Variants in ZEB1 observed in about 807,000 individuals in gnomAD.
ZEB1 encodes the protein zinc finger E-box binding homeobox 1.
In ZEB1, 21 loss-of-function variants were observed where a neutral mutation model predicts 84.9. The observed-to-expected ratio is 0.25, with a 90% CI of 0.18 to 0.36. ZEB1 has a LOEUF of 0.36. Among genes scored for constraint, ZEB1 ranks in the 10% least tolerant of loss-of-function variants. The pLI, the probability that ZEB1 is intolerant of heterozygous loss-of-function variation, is 1.00. For missense variants in ZEB1, 1,104 were observed against 1,330.2 expected (o/e 0.83, Z 2.65); for synonymous variants, 420 against 471.1 (o/e 0.89, Z 1.41).
rs186390512 is a variant in ZEB1 at position 31,443,857 on chromosome 10, G to A, written c.59-17180G>A. Reference sequence around the variant, plus strand: ...CTCCAAGTCTTTGCTATCGTGAATAGTGCCGCAATAAACATACGTGTGCAT... The same window carrying A: ...CTCCAAGTCTTTGCTATCGTGAATAATGCCGCAATAAACATACGTGTGCAT... On this transcript the variant is annotated intron_variant, in intron 1 of 8. Transcript: ENST00000424869. Among the ~76,000 whole-genome samples, 1,218 of 149,874 alleles carry A rather than the reference G, an allele frequency of 8.1e-3. 17 individuals carry two copies. The highest frequency in any genetic ancestry group is 0.029 in the African/African-American group (1,158 of 39,318).
intron 2 of ZEB1, among the ~76,000 whole-genome samples, chr10:31,478,412 A>G (rs1050157865): frequency 3.3e-5 from 5 of 152,034 alleles, no homozygotes; most frequent in African/African-American, 1.2e-4. Flanking sequence ...TGGGAATGCA[A>G]ATTAGTACAA....
chr10:31,374,699 C>A (rs1271679230), intron 1 of ZEB1: 1 of 151,786 alleles, frequency 6.6e-6, no homozygotes, highest in Non-Finnish European at 1.5e-5. Flanking sequence ...TGCTTTTGAA[C>A]TTTTAAAGTT....
In ZEB1 at chr10:31,492,729, T is replaced by C. The variant is rs181424080; in HGVS notation, c.260-3047T>C. ...TACAAGTTTTTGAATTTAACACATA[T>C]GCTAAATAATCAGTCCTTCAGCTTA... On this transcript the variant is annotated intron_variant, in intron 2 of 8. Transcript: ENST00000424869. 4.3e-3 allele frequency among the ~76,000 whole-genome samples: 657 copies of C among 152,030 alleles called. 1 individual carries two copies. Among genetic ancestry groups the C allele is most frequent in the Non-Finnish European group, 6.9e-3 (467 of 67,912 alleles).
chr10:31,416,206 A>G (rs1266477953), intron 1 of ZEB1, among the ~76,000 whole-genome samples: 2 of 152,062 alleles, frequency 1.3e-5, no homozygotes, highest in Non-Finnish European at 2.9e-5. Flanking sequence ...GTTCTTGATT[A>G]TGATTTAATA....
chr10:31,453,494 T>C (rs2060838794), intron 1 of ZEB1, among the ~76,000 whole-genome samples: 1 of 152,178 alleles, frequency 6.6e-6, no homozygotes, highest in Admixed American at 6.6e-5. Flanking sequence ...ATATAAGTTA[T>C]CTAATGCTTT....
chr10:31,406,391 T>G (rs1290590843), intron 1 of ZEB1, among the ~76,000 whole-genome samples: 2 of 152,098 alleles, frequency 1.3e-5, no homozygotes, highest in African/African-American at 4.8e-5. Flanking sequence ...CCATTCTAAC[T>G]AGCATGATGA....
chr10:31,487,337 G>C (rs1348608512), intron 2 of ZEB1, among the ~76,000 whole-genome samples: 1 of 151,316 alleles, frequency 6.6e-6, no homozygotes, highest in African/African-American at 2.4e-5. Flanking sequence ...GATCAATTTG[G>C]AGAGAACTGA....
intron 1 of ZEB1, among the ~76,000 whole-genome samples, chr10:31,444,694 T>C (rs1175580214): frequency 6.6e-6 from 1 of 152,142 alleles, no homozygotes; most frequent in East Asian, 1.9e-4. Flanking sequence ...TGCTTGTTTT[T>C]CTCAGGTTTG....
intron 1 of ZEB1, chr10:31,320,270 G>C (rs1589891559): frequency 6.6e-6 from 1 of 152,288 alleles, no homozygotes; most frequent in East Asian, 1.9e-4. Flanking sequence ...GGGTGTGTTT[G>C]CGGAGTTGTT....
At chr10:31,452,189 A>G (rs539486515) in intron 1 of ZEB1, among the ~76,000 whole-genome samples, 2 of 152,172 alleles carry the variant, frequency 1.3e-5, no homozygotes, top group Non-Finnish European at 2.9e-5. Flanking sequence ...ACTAAAATCT[A>G]ACATGTTCAT....
intron 5 of ZEB1, among the ~76,000 whole-genome samples, chr10:31,512,759 G>T (rs184901389): frequency 6.6e-6 from 1 of 152,268 alleles, no homozygotes; most frequent in Admixed American, 6.5e-5. Context: ...AGGATAAGAG[G>T]ATAGAAAGTG....
At position 31,527,377 on chromosome 10, in the gene ZEB1, G is replaced by T; in HGVS notation, c.*113G>T. 1 of 1,399,516 alleles carries T rather than the reference G, an allele frequency of 7.1e-7. No individual in the cohort carries two copies. Among genetic ancestry groups the T allele is most frequent in the Non-Finnish European group, 9.6e-7 (1 of 1,037,766 alleles). The allele number at this position is 1,399,516 out of a possible 1,614,324, so 86.7% of individuals were successfully genotyped here. A position where few individuals can be genotyped will look rare whatever the true frequency, so the allele number is the denominator to read the frequency against. On this transcript the variant is annotated 3_prime_UTR_variant, in exon 9 of 9. Coordinates refer to ENST00000424869, the MANE Select transcript of ZEB1 (RefSeq NM_001174096.2). ...TATGCTGTGATTCCTGTTCACTACTGTGTAAAGTAAAAACTAAAAAAATAC... is the reference window on the plus strand; with the variant it reads ...TATGCTGTGATTCCTGTTCACTACTTTGTAAAGTAAAAACTAAAAAAATAC...
intron 1 of ZEB1, among the ~76,000 whole-genome samples, chr10:31,328,165 G>A (rs1333771947): frequency 6.6e-6 from 1 of 152,030 alleles, no homozygotes; most frequent in Non-Finnish European, 1.5e-5. Context: ...TCTTCTATTA[G>A]TTTCTTAGTT....
intron 2 of ZEB1, among the ~76,000 whole-genome samples, chr10:31,483,622 T>C (rs1445837326): frequency 6.6e-6 from 1 of 152,042 alleles, no homozygotes; most frequent in Non-Finnish European, 1.5e-5. Flanking sequence ...ACTACATTAC[T>C]GGTGATTTTC....
At chr10:31,368,363 C>T (rs946518049) in intron 1 of ZEB1, among the ~76,000 whole-genome samples, 3 of 152,062 alleles carry the variant, frequency 2.0e-5, no homozygotes, top group Non-Finnish European at 4.4e-5. Flanking sequence ...CATTGTGTCG[C>T]CCAGGCTGGT....
At chr10:31,367,351 C>CCT (rs2044722096) in intron 1 of ZEB1, among the ~76,000 whole-genome samples, 1 of 152,058 alleles carries the variant, frequency 6.6e-6, no homozygotes, top group South Asian at 2.1e-4. Flanking sequence ...GGGAGTGTGG[C>CCT]CTAGGACTCT....
chr10:31,525,910 A>G (rs888162085), intron 8 of ZEB1, among the ~76,000 whole-genome samples: 1 of 152,248 alleles, frequency 6.6e-6, no homozygotes, highest in African/African-American at 2.4e-5. Context: ...AAAAATATAT[A>G]TGAAAAACTA....
chr10:31,361,364 TG>T (rs2043035834), intron 1 of ZEB1: 9 of 732,790 alleles, frequency 1.2e-5, no homozygotes, highest in Non-Finnish European at 2.1e-5. Context: ...GCCTAATTTT[TG>T]TATTTTCAGT....
intron 2 of ZEB1, among the ~76,000 whole-genome samples, chr10:31,488,203 GT>G (rs1245816018): frequency 6.6e-6 from 1 of 151,128 alleles, no homozygotes; most frequent in Non-Finnish European, 1.5e-5. Context: ...TGGTCCTGGA[GT>G]TTTGTTTTGC....
Sources: allele counts gnomAD v4.1 joint callset (sites outside exome capture counted in the v4.1 genomes callset), GRCh38; gene constraint gnomAD v4.1.1; transcripts MANE v1.5; gene names NCBI Gene and HGNC (gene_info 2026-07-23, HGNC 2026-07-21).